Variants in SORL1 observed in about 807,000 individuals in gnomAD.
SORL1 encodes sortilin-related receptor.
Under a neutral mutation model 273.7 loss-of-function variants are expected in SORL1, and 127 were observed. That is an observed-to-expected ratio of 0.46 (90% CI 0.40 to 0.54). The LOEUF (loss-of-function observed/expected upper bound fraction) is 0.54. Among genes scored for constraint, SORL1 ranks in the 20% least tolerant of loss-of-function variants. The probability of loss-of-function intolerance (pLI) is 0.00; values close to 1 mark genes in which losing one functional copy is unlikely to be tolerated. For missense variants in SORL1, 2,494 were observed against 2,846.1 expected, an observed-to-expected ratio of 0.88 and a Z score of 2.81; for synonymous variants, 1,031 against 1,067.4, an observed-to-expected ratio of 0.97 and a Z score of 0.66.
chr11:121,608,411 A>G lies in SORL1; in HGVS notation c.5239+235A>G, dbSNP rs1488496117. On this transcript the variant is annotated intron_variant, in intron 38 of 47. Transcript: ENST00000260197. ...TGAGCATTTCTTCTAATGCAGACAT[A>G]CAAAGGGATTTCCAAAGGCCATCAT... 2.9e-5 allele frequency: 14 copies of G among 490,416 alleles called. No homozygotes were observed. In the East Asian group the frequency reaches 4.6e-4, roughly 16 times the overall value. 30.4% of individuals were successfully genotyped at this position (490,416 alleles called of 1,614,324 possible).
At chr11:121,498,170 C>T (rs910831617) in intron 6 of SORL1, among the ~76,000 whole-genome samples, 5 of 152,200 alleles carry the variant, frequency 3.3e-5, no homozygotes, top group African/African-American at 1.2e-4. Context: ...TGGTTCAGTG[C>T]CTTCCTGCCT....
chr11:121,544,797 G>T (rs1862400007), intron 13 of SORL1, among the ~76,000 whole-genome samples: 1 of 152,162 alleles, frequency 6.6e-6, no homozygotes, highest in Non-Finnish European at 1.5e-5. Flanking sequence ...CCTTCAAGTA[G>T]GGCCAGCGAG....
chr11:121,555,466 C>G, intron 18 of SORL1, 148 bp downstream of exon 18: 1 of 976,896 alleles, frequency 1.0e-6, no homozygotes, highest in Non-Finnish European at 1.5e-6. Flanking sequence ...AGCTGAGCCT[C>G]TGGAGAGGAG....
rs774858510 is a variant in SORL1 at position 121,455,833 on chromosome 11, A to G, written c.285+3217A>G. ...CATGGGGAAACCCCGTCTCTACTAA[A>G]ACTACAAAAATTCACTGGGCGTGGT... On this transcript the variant is annotated intron_variant, in intron 1 of 47. Transcript: ENST00000260197. Among the ~76,000 whole-genome samples the G allele has an allele frequency of 9.9e-5, 15 of 152,246 alleles. No homozygotes were observed. In the Middle Eastern group the frequency reaches 0.01, roughly 104 times the overall value.
intron 5 of SORL1, among the ~76,000 whole-genome samples, chr11:121,493,659 G>C (rs535084020): frequency 6.6e-6 from 1 of 152,182 alleles, no homozygotes. Flanking sequence ...GAGATAGATC[G>C]TATGTGTGTG....
chr11:121,518,285 C>A (rs1317386179), intron 8 of SORL1, among the ~76,000 whole-genome samples: 1 of 151,814 alleles, frequency 6.6e-6, no homozygotes, highest in Non-Finnish European at 1.5e-5. Context: ...CTGGGGAGGG[C>A]CAGTGAGGAT....
intron 26 of SORL1, among the ~76,000 whole-genome samples, chr11:121,584,766 A>G (rs1863069349): frequency 6.6e-6 from 1 of 151,814 alleles, no homozygotes; most frequent in Admixed American, 6.6e-5. Flanking sequence ...TAATTTTTGT[A>G]TTTTTTTGTA....
intron 6 of SORL1, among the ~76,000 whole-genome samples, chr11:121,506,705 C>G (rs1221004988): frequency 6.6e-6 from 1 of 152,136 alleles, no homozygotes; most frequent in East Asian, 1.9e-4. Flanking sequence ...TCTTTGAATC[C>G]TTGTAAATAG....
intron 4 of SORL1, among the ~76,000 whole-genome samples, chr11:121,489,346 A>G (rs1407923856): frequency 6.6e-6 from 1 of 152,172 alleles, no homozygotes; most frequent in Non-Finnish European, 1.5e-5. Context: ...AACACTTTTC[A>G]TCTTGCAAGA....
At chr11:121,511,710 G>T (rs924475761) in intron 6 of SORL1, among the ~76,000 whole-genome samples, 3 of 152,188 alleles carry the variant, frequency 2.0e-5, no homozygotes, top group African/African-American at 7.2e-5. Context: ...GTTCAGTGGT[G>T]ATTTGAATGT....
intron 39 of SORL1, chr11:121,612,495 T>G (rs1160000051): frequency 3.0e-6 from 1 of 333,474 alleles, no homozygotes; most frequent in East Asian, 5.6e-5. Context: ...TTTTGTTTCA[T>G]TGAATCTATA....
At chr11:121,617,981 C>T (rs1045189211) in intron 41 of SORL1, among the ~76,000 whole-genome samples, 1 of 152,192 alleles carries the variant, frequency 6.6e-6, no homozygotes, top group African/African-American at 2.4e-5. Context: ...CTGTCATCTC[C>T]AGCCTGTGGC....
chr11:121,513,432 A>G (rs1861908526), intron 7 of SORL1, among the ~76,000 whole-genome samples: 1 of 152,192 alleles, frequency 6.6e-6, no homozygotes, highest in Non-Finnish European at 1.5e-5. Context: ...TTTATTAAGT[A>G]ACTGCTGGAT....
At chr11:121,593,107 C>A in intron 31 of SORL1, among the ~76,000 whole-genome samples, 1 of 152,170 alleles carries the variant, frequency 6.6e-6, no homozygotes. Context: ...GATGAATGCT[C>A]ATGTCCTCCC....
At chr11:121,470,177 C>G in intron 2 of SORL1, 54 bp downstream of exon 2, 6 of 1,107,446 alleles carry the variant, frequency 5.4e-6, no homozygotes, top group Non-Finnish European at 8.4e-6. Context: ...ATGCCCTTTT[C>G]TGGTCCACTG....
rs539978805 is a variant in SORL1, at chr11:121,590,388, G to T, written c.4213+214G>T. The T allele has an allele frequency of 3.3e-5, 18 of 541,054 alleles. No homozygotes were observed. The Admixed American group carries it at 6.1e-4, about 18-fold the overall frequency. The allele number at this position is 541,054 out of a possible 1,614,324, so 33.5% of individuals were successfully genotyped here. A position where few individuals can be genotyped will look rare whatever the true frequency, so the allele number is the denominator to read the frequency against. ...AGGCTATTTATTCCGTATTTGCAGG[G>T]CAGAGTGAGAAGTCTAGAGCCTTCC... On this transcript the variant is annotated intron_variant, in intron 30 of 47. Coordinates refer to ENST00000260197, the MANE Select transcript of SORL1 (RefSeq NM_003105.6).
chr11:121,567,186 A>G (rs1483172609), intron 22 of SORL1, 73 bp downstream of exon 22: 1 of 1,312,048 alleles, frequency 7.6e-7, no homozygotes, highest in Non-Finnish European at 1.1e-6. Flanking sequence ...GGAGGGAGGG[A>G]TAGCTCTCTG....
chr11:121,473,547 G>A (rs1410755468), intron 2 of SORL1, among the ~76,000 whole-genome samples: 1 of 150,844 alleles, frequency 6.6e-6, no homozygotes, highest in African/African-American at 2.4e-5. Flanking sequence ...GTGCTCAGGT[G>A]CAACATAATT....
chr11:121,514,282 A>AT lies in SORL1; in HGVS notation c.1174dup (p.Tyr392LeufsTer9). 2 of 1,614,202 alleles carry AT rather than the reference A, an allele frequency of 1.2e-6. No homozygotes were observed. Among genetic ancestry groups the AT allele is most frequent in the Non-Finnish European group, 1.7e-6 (2 of 1,180,030 alleles). On this transcript the variant is annotated frameshift_variant, in exon 8 of 48. Transcript: ENST00000260197. LOFTEE classifies it high-confidence loss of function. ...TCCCTGTCCTTGGAGAACGTGCTCT[A>AT]TTACAGCCCAGGAGGGGCCGGCAGT...
Sources: allele counts gnomAD v4.1 joint callset (sites outside exome capture counted in the v4.1 genomes callset), GRCh38; gene constraint gnomAD v4.1.1; transcripts MANE v1.5; gene names NCBI Gene and HGNC (gene_info 2026-07-23, HGNC 2026-07-21).